The following FRY variants were observed in gnomAD, a reference collection of about 807,000 sequenced individuals.
FRY encodes the protein FRY microtubule binding protein, also known as protein furry homolog.
FRY carries 128 observed loss-of-function variants against 348.4 expected under a neutral mutation model. The observed-to-expected ratio is 0.37, with a 90% CI of 0.32 to 0.43. FRY has a LOEUF of 0.43. FRY is among the 20% of genes least tolerant of loss of function. The pLI is 1.00. For missense variants in FRY, 2,736 were observed against 3,695.2 expected (o/e 0.74, Z 6.73); for synonymous variants, 1,370 against 1,374.7 (o/e 1.00, Z 0.08).
chr13:32,056,183 C>T (rs1489331970), intron 1 of FRY, among the ~76,000 whole-genome samples: 1 of 114,634 alleles, frequency 8.7e-6, no homozygotes, highest in African/African-American at 3.5e-5. Context: ...GAGCGAGACT[C>T]CATCTAAAAA....
rs765154467 is a variant in FRY, at chr13:32,294,505, G to A, written c.8718G>A (p.Gln2906=). ...PTFTSTEAAI[Q]SMLECLKNNE... ...TCACGTCCACTGAAGCAGCCATCCA[G>A]TCCATGCTGGAGTGCCTGAAGAACA... is the stretch of plus-strand genomic sequence containing the variant. Residue 2906 remains glutamine (Q), a synonymous_variant, in exon 60 of 61, where the codon CAG becomes CAA. Transcript: ENST00000542859. 5 of 1,614,082 alleles carry A rather than the reference G, an allele frequency of 3.1e-6. No homozygotes were observed. Among genetic ancestry groups the A allele is most frequent in the Non-Finnish European group, 4.2e-6 (5 of 1,180,024 alleles).
chr13:32,214,084 A>C (rs922105093), intron 35 of FRY, among the ~76,000 whole-genome samples: 2 of 152,248 alleles, frequency 1.3e-5, no homozygotes, highest in Non-Finnish European at 2.9e-5. Context: ...ATGTCTATGA[A>C]TATGCTCTCC....
At chr13:32,264,992 A>G (rs1013107161) in intron 53 of FRY, among the ~76,000 whole-genome samples, 2 of 152,204 alleles carry the variant, frequency 1.3e-5, no homozygotes, top group Non-Finnish European at 2.9e-5. Flanking sequence ...TTGCTTTAGA[A>G]GGCTGGGTTT....
intron 25 of FRY, 43 bp from the exon 26 acceptor site, chr13:32,184,933 A>G: frequency 1.3e-6 from 2 of 1,542,084 alleles, no homozygotes; most frequent in Non-Finnish European, 1.8e-6. Flanking sequence ...TTACTTTGAC[A>G]TAAAGACTGA....
intron 7 of FRY, 150 bp downstream of exon 7, chr13:32,125,025 C>T: frequency 1.4e-6 from 1 of 720,524 alleles, no homozygotes; most frequent in Non-Finnish European, 2.5e-6. Flanking sequence ...GAATAGAAAG[C>T]TCTTCCAAGA....
chr13:32,058,386 G>A (rs1212996993), intron 1 of FRY, among the ~76,000 whole-genome samples: 1 of 152,162 alleles, frequency 6.6e-6, no homozygotes, highest in Admixed American at 6.5e-5. Context: ...CAGATCATCA[G>A]TAAATATTAA....
intron 28 of FRY, among the ~76,000 whole-genome samples, chr13:32,193,554 T>G (rs1189293524): frequency 1.3e-5 from 2 of 149,570 alleles, no homozygotes; most frequent in Non-Finnish European, 3.0e-5. Context: ...TCAGAAATAT[T>G]TTAAATGCAA....
chr13:32,235,618 C>T (rs1472310119), intron 42 of FRY, among the ~76,000 whole-genome samples: 1 of 152,116 alleles, frequency 6.6e-6, no homozygotes, highest in African/African-American at 2.4e-5. Context: ...AGTGAGACTC[C>T]ATCTCAGAAA....
intron 2 of FRY, among the ~76,000 whole-genome samples, chr13:32,094,340 A>G (rs956933683): frequency 6.6e-6 from 1 of 152,174 alleles, no homozygotes; most frequent in Non-Finnish European, 1.5e-5. Context: ...CCTCTGAAGC[A>G]TTATCCTTTG....
intron 35 of FRY, among the ~76,000 whole-genome samples, chr13:32,217,885 G>A (rs960301231): frequency 6.6e-6 from 1 of 151,698 alleles, no homozygotes; most frequent in Non-Finnish European, 1.5e-5. Flanking sequence ...TTTGGTGGGG[G>A]TTACTTCTTA....
In FRY at chr13:32,295,352, G is replaced by A; in HGVS notation, c.8934G>A (p.Lys2978=). ...SNQSLTEICT[K]LMELNMEIRD... ...AGAGCCTGACCGAGATCTGCACCAAGCTGATGGAGCTGAACATGGAGATCC... is the reference window on the plus strand; with the variant it reads ...AGAGCCTGACCGAGATCTGCACCAAACTGATGGAGCTGAACATGGAGATCC... Residue 2978 remains lysine (K), a synonymous_variant, in exon 61 of 61, where the codon AAG becomes AAA. Transcript: ENST00000542859. 2 of 1,613,772 alleles carry A rather than the reference G, an allele frequency of 1.2e-6. No individual in the cohort carries two copies. The highest frequency in any genetic ancestry group is 1.7e-6 in the Non-Finnish European group (2 of 1,179,972).
chr13:32,170,717 A>G (rs1882009608), intron 17 of FRY, among the ~76,000 whole-genome samples: 1 of 152,062 alleles, frequency 6.6e-6, no homozygotes, highest in African/African-American at 2.4e-5. Context: ...TTGTATTTTT[A>G]GTAGAGACGG....
At chr13:32,155,386 C>G in intron 14 of FRY, 105 bp from the exon 15 acceptor site, 2 of 825,294 alleles carry the variant, frequency 2.4e-6, no homozygotes, top group Admixed American at 1.8e-5. Context: ...TTTTCTCATA[C>G]TCATCTACAT....
At chr13:32,133,141 A>G (rs1382404631) in intron 8 of FRY, among the ~76,000 whole-genome samples, 1 of 152,214 alleles carries the variant, frequency 6.6e-6, no homozygotes, top group Non-Finnish European at 1.5e-5. Context: ...CACAACTGTG[A>G]TTATACTAAA....
At chr13:32,227,798 C>T (rs1047932201) in intron 39 of FRY, among the ~76,000 whole-genome samples, 2 of 147,770 alleles carry the variant, frequency 1.4e-5, no homozygotes, top group African/African-American at 5.0e-5. Context: ...GTCTCCCAGG[C>T]TGGAGCGCAG....
At chr13:32,277,490 G>A (rs1888587375) in intron 57 of FRY, among the ~76,000 whole-genome samples, 1 of 152,126 alleles carries the variant, frequency 6.6e-6, no homozygotes, top group Non-Finnish European at 1.5e-5. Flanking sequence ...AGTTGCTATT[G>A]TTACCCTCAT....
chr13:32,148,473 T>A (rs577713808), intron 13 of FRY, among the ~76,000 whole-genome samples: 1 of 152,330 alleles, frequency 6.6e-6, no homozygotes, highest in East Asian at 1.9e-4. Flanking sequence ...TAAAAACAGG[T>A]CCAGTAATAT....
intron 16 of FRY, 43 bp downstream of exon 16, chr13:32,157,448 G>C (rs1719868802): frequency 2.6e-6 from 4 of 1,564,020 alleles, no homozygotes; most frequent in Non-Finnish European, 3.5e-6. Flanking sequence ...AGATTAACCA[G>C]AAAACACAAG....
At chr13:32,170,646 C>G (rs1414085903) in intron 17 of FRY, among the ~76,000 whole-genome samples, 1 of 152,156 alleles carries the variant, frequency 6.6e-6, no homozygotes, top group African/African-American at 2.4e-5. Context: ...ATGCCATTCT[C>G]CTACCTCAGC....
Sources: gnomAD v4.1 joint callset for allele counts (sites outside exome capture counted in the v4.1 genomes callset) on GRCh38, gnomAD v4.1.1 for gene constraint, MANE v1.5 for transcripts, NCBI Gene and HGNC (gene_info 2026-07-23, HGNC 2026-07-21) for gene names.